The following PDZRN4 variants were observed in gnomAD, a reference collection of about 807,000 sequenced individuals.
The protein encoded by PDZRN4 is PDZ domain containing ring finger 4.
Under a neutral mutation model 99.0 loss-of-function variants are expected in PDZRN4, and 70 were observed. That is an observed-to-expected ratio of 0.71 (90% CI 0.58 to 0.86). PDZRN4 has a LOEUF of 0.86. Ranked by LOEUF, PDZRN4 falls within the 40% of genes least tolerant of loss-of-function variation. The probability of loss-of-function intolerance (pLI) is 0.00; values close to 1 mark genes in which losing one functional copy is unlikely to be tolerated. For synonymous variants in PDZRN4, 551 were observed against 501.6 expected (o/e 1.10, Z -1.32); for missense variants, 1,474 against 1,331.2 (o/e 1.11, Z -1.67).
intron 5 of PDZRN4, among the ~76,000 whole-genome samples, chr12:41,518,720 A>G (rs1371422664): frequency 6.6e-6 from 1 of 152,060 alleles, no homozygotes; most frequent in Non-Finnish European, 1.5e-5. Context: ...AGCACATTTT[A>G]AAAGGAGCAT....
chr12:41,560,747 C>T (rs932469751), intron 7 of PDZRN4, among the ~76,000 whole-genome samples: 5 of 152,084 alleles, frequency 3.3e-5, no homozygotes, highest in Admixed American at 6.6e-5. Context: ...CAAGAGCAAC[C>T]GAAGGTTGAA....
At chr12:41,233,394 T>C (rs886229427) in intron 3 of PDZRN4, among the ~76,000 whole-genome samples, 1 of 152,062 alleles carries the variant, frequency 6.6e-6, no homozygotes, top group Non-Finnish European at 1.5e-5. Flanking sequence ...TCCTCAGGGA[T>C]CGAGAACCAG....
intron 3 of PDZRN4, among the ~76,000 whole-genome samples, chr12:41,371,090 G>C (rs11180858): frequency 0.033 from 4,955 of 149,558 alleles, 115 homozygotes; most frequent in African/African-American, 0.071. Flanking sequence ...GCTCTTATTT[G>C]ATGATTTTTA....
rs1040116662 is a variant in PDZRN4 at position 41,207,678 on chromosome 12, T to C, written c.843+13490T>C. The stretch of plus-strand genomic sequence containing the variant: ...TAGCTAACATTTATAAACTCCTTAT[T>C]GTGTGCCAACCACCAGGCAAATGGC... On this transcript the variant is annotated intron_variant, in intron 3 of 9. Transcript: ENST00000402685. Among the ~76,000 whole-genome samples, 9 of 151,978 alleles carry C rather than the reference T, an allele frequency of 5.9e-5. No homozygotes were observed. In the South Asian group the frequency reaches 1.9e-3, roughly 32 times the overall value.
At chr12:41,530,394 C>T (rs933003808) in intron 5 of PDZRN4, among the ~76,000 whole-genome samples, 9 of 152,068 alleles carry the variant, frequency 5.9e-5, no homozygotes, top group African/African-American at 2.2e-4. Flanking sequence ...CTTCTGAAAC[C>T]TGTATTTTTT....
At chr12:41,494,663 T>A (rs1937960145) in intron 3 of PDZRN4, among the ~76,000 whole-genome samples, 1 of 152,128 alleles carries the variant, frequency 6.6e-6, no homozygotes, top group Non-Finnish European at 1.5e-5. Context: ...ATCAATTAAT[T>A]TGAGAAAGTT....
chr12:41,404,315 G>C (rs992188084), intron 3 of PDZRN4, among the ~76,000 whole-genome samples: 1 of 152,094 alleles, frequency 6.6e-6, no homozygotes, highest in Non-Finnish European at 1.5e-5. Context: ...AAATTCCAAA[G>C]CCATTGGAGC....
At chr12:41,315,168 C>T (rs1488081740) in intron 3 of PDZRN4, among the ~76,000 whole-genome samples, 1 of 152,142 alleles carries the variant, frequency 6.6e-6, no homozygotes, top group African/African-American at 2.4e-5. Context: ...CTACAGGAAA[C>T]AAGTGAGAAG....
intron 3 of PDZRN4, among the ~76,000 whole-genome samples, chr12:41,383,433 C>T (rs1010066295): frequency 6.6e-6 from 1 of 152,064 alleles, no homozygotes; most frequent in African/African-American, 2.4e-5. Context: ...GTAAAAGCAC[C>T]AACTTAAATA....
chr12:41,275,258 C>A (rs984287136), intron 3 of PDZRN4, among the ~76,000 whole-genome samples: 2 of 152,044 alleles, frequency 1.3e-5, no homozygotes, highest in African/African-American at 4.8e-5. Context: ...TCTGTCTTAC[C>A]ACCTTATAAA....
chr12:41,528,042 C>T (rs938114059), intron 5 of PDZRN4, among the ~76,000 whole-genome samples: 9 of 152,170 alleles, frequency 5.9e-5, no homozygotes, highest in African/African-American at 1.9e-4. Flanking sequence ...TGAACTTCAT[C>T]AATTCTCTGT....
rs140356620 is a variant in PDZRN4, at chr12:41,254,688, G to T, written c.843+60500G>T. ...CTGAAGATGCAGGCAGTAAAACAAAGAAATTAAAATGCTGTGCAATGAGTG... is the reference window on the plus strand; with the variant it reads ...CTGAAGATGCAGGCAGTAAAACAAATAAATTAAAATGCTGTGCAATGAGTG... On this transcript the variant is annotated intron_variant, in intron 3 of 9. Transcript: ENST00000402685. 6.4e-4 allele frequency among the ~76,000 whole-genome samples: 97 copies of T among 152,332 alleles called. No homozygotes were observed. In the Middle Eastern group the frequency reaches 0.017, roughly 27 times the overall value.
At chr12:41,263,556 AT>A (rs922600384) in intron 3 of PDZRN4, among the ~76,000 whole-genome samples, 1 of 152,090 alleles carries the variant, frequency 6.6e-6, no homozygotes, top group African/African-American at 2.4e-5. Context: ...GCATGGTGGC[AT>A]TTGCCTGTAA....
At chr12:41,274,264 T>G (rs764949780) in intron 3 of PDZRN4, among the ~76,000 whole-genome samples, 1 of 152,126 alleles carries the variant, frequency 6.6e-6, no homozygotes, top group Non-Finnish European at 1.5e-5. Context: ...AACCACTCTG[T>G]GTATTGTGTA....
At chr12:41,304,206 CTA>C (rs1951555051) in intron 3 of PDZRN4, among the ~76,000 whole-genome samples, 1 of 152,098 alleles carries the variant, frequency 6.6e-6, no homozygotes, top group Non-Finnish European at 1.5e-5. Flanking sequence ...AAGTGCTTTC[CTA>C]TATGTCATAT....
At position 41,572,571 on chromosome 12, in the gene PDZRN4, G is replaced by A. The variant is rs141177935; in HGVS notation, c.1792G>A (p.Val598Ile). Residue 598 changes from valine (V) to isoleucine (I), a missense_variant, in exon 10 of 10, where the codon GTT becomes ATT. Transcript: ENST00000402685. ...LGQSQDTLGS[V>I]ELQYNESLVS... ...GCAGAGCCAAGACACTCTGGGAAGTGTTGAACTTCAGTACAATGAGAGCCT... is the reference window on the plus strand; with the variant it reads ...GCAGAGCCAAGACACTCTGGGAAGTATTGAACTTCAGTACAATGAGAGCCT... 2 of 1,614,020 alleles carry A rather than the reference G, an allele frequency of 1.2e-6. No homozygotes were observed. Among genetic ancestry groups the A allele is most frequent in the Non-Finnish European group, 1.7e-6 (2 of 1,180,014 alleles).
At position 41,445,921 on chromosome 12, in the gene PDZRN4, C is replaced by T. The variant is rs546388759; in HGVS notation, c.844-60535C>T. 3.3e-4 allele frequency among the ~76,000 whole-genome samples: 50 copies of T among 152,170 alleles called. 1 individual carries two copies. In the South Asian group the frequency reaches 0.01, roughly 31 times the overall value. Reference sequence around the variant, plus strand: ...CTGTGTTTTCTATATCTAAATGCAACGTTTCCAAAGTCATCAATATAACCT... The same window carrying T: ...CTGTGTTTTCTATATCTAAATGCAATGTTTCCAAAGTCATCAATATAACCT... On this transcript the variant is annotated intron_variant, in intron 3 of 9. Transcript: ENST00000402685.
At chr12:41,294,525 T>A (rs1344631020) in intron 3 of PDZRN4, among the ~76,000 whole-genome samples, 1 of 152,160 alleles carries the variant, frequency 6.6e-6, no homozygotes, top group African/African-American at 2.4e-5. Context: ...GGAAGGGAAT[T>A]CATTCATTTT....
At chr12:41,396,809 A>G (rs1952249331) in intron 3 of PDZRN4, among the ~76,000 whole-genome samples, 1 of 152,188 alleles carries the variant, frequency 6.6e-6, no homozygotes. Flanking sequence ...CATATTGCTG[A>G]AGAATCATAT....
Sources: allele counts gnomAD v4.1 joint callset (sites outside exome capture counted in the v4.1 genomes callset), GRCh38; gene constraint gnomAD v4.1.1; transcripts MANE v1.5; gene names NCBI Gene and HGNC (gene_info 2026-07-23, HGNC 2026-07-21).